LIMCH1: variants seen among roughly 807,000 people sequenced by gnomAD.
LIMCH1 encodes LIM and calponin homology domains 1, also known as LIM and calponin homology domains-containing protein 1.
In LIMCH1, 113 loss-of-function variants were observed where a neutral mutation model predicts 176.5. The ratio of observed to expected loss-of-function variants is 0.64; its 90% CI spans 0.55 to 0.75. The LOEUF is 0.75. Ranked by LOEUF, LIMCH1 falls within the 30% of genes least tolerant of loss-of-function variation. The pLI, the probability that LIMCH1 is intolerant of heterozygous loss-of-function variation, is 0.00. For synonymous variants in LIMCH1, 619 were observed against 645.9 expected, an observed-to-expected ratio of 0.96 and a Z score of 0.63; for missense variants, 1,674 against 1,814.9, an observed-to-expected ratio of 0.92 and a Z score of 1.41.
intron 18 of LIMCH1, among the ~76,000 whole-genome samples, chr4:41,658,663 A>G (rs2094528428): frequency 6.6e-6 from 1 of 152,212 alleles, no homozygotes; most frequent in African/African-American, 2.4e-5. Context: ...CTTATAATCA[A>G]AAGTGCATCA....
intron 1 of LIMCH1, among the ~76,000 whole-genome samples, chr4:41,466,606 T>A (rs2066150876): frequency 6.6e-6 from 1 of 152,196 alleles, no homozygotes; most frequent in African/African-American, 2.4e-5. Context: ...CTTCACTTTA[T>A]CTCAAAAGTC....
At chr4:41,456,021 CTTTT>C (rs538896425) in intron 1 of LIMCH1, among the ~76,000 whole-genome samples, 2 of 151,816 alleles carry the variant, frequency 1.3e-5, no homozygotes, top group African/African-American at 4.8e-5. Flanking sequence ...GTGAGACACA[CTTTT>C]TTTTGTTTGT....
intron 8 of LIMCH1, 92 bp downstream of exon 8, chr4:41,627,102 T>G: frequency 7.0e-7 from 1 of 1,434,608 alleles, no homozygotes; most frequent in Non-Finnish European, 9.2e-7. Context: ...GAAGTCAGTT[T>G]GTATTGTACC....
chr4:41,403,740 A>G (rs1006344166), intron 1 of LIMCH1, among the ~76,000 whole-genome samples: 1 of 152,204 alleles, frequency 6.6e-6, no homozygotes, highest in African/African-American at 2.4e-5. Flanking sequence ...CTTAATTCCC[A>G]TAGCAAGCCT....
chr4:41,663,079 G>T (rs975529194), intron 20 of LIMCH1, 95 bp downstream of exon 20: 2 of 1,162,524 alleles, frequency 1.7e-6, no homozygotes, highest in East Asian at 2.5e-5. Context: ...GAATAATGAA[G>T]ATTTATTTCT....
intron 1 of LIMCH1, among the ~76,000 whole-genome samples, chr4:41,565,650 G>T (rs2082667789): frequency 6.6e-6 from 1 of 152,026 alleles, no homozygotes; most frequent in Non-Finnish European, 1.5e-5. Flanking sequence ...AGTATGCTTG[G>T]ACTGGTGAAC....
chr4:41,366,338 T>A (rs1264738979), intron 1 of LIMCH1, among the ~76,000 whole-genome samples: 1 of 152,212 alleles, frequency 6.6e-6, no homozygotes, highest in Non-Finnish European at 1.5e-5. Context: ...CAGTTAACAC[T>A]GGTTGATTTT....
At chr4:41,680,659 A>G (rs560951668) in intron 24 of LIMCH1, among the ~76,000 whole-genome samples, 2 of 152,322 alleles carry the variant, frequency 1.3e-5, no homozygotes, top group Non-Finnish European at 2.9e-5. Flanking sequence ...TATATTCAGC[A>G]ATACTTTTTG....
intron 29 of LIMCH1, among the ~76,000 whole-genome samples, chr4:41,688,694 A>T (rs11933248): frequency 6.6e-6 from 1 of 152,028 alleles, no homozygotes; most frequent in Non-Finnish European, 1.5e-5. Context: ...GAGGACAGCT[A>T]TCTAGTTTCA....
intron 1 of LIMCH1, chr4:41,453,531 A>G (rs1209839572): frequency 6.6e-6 from 1 of 152,348 alleles, no homozygotes; most frequent in Non-Finnish European, 1.5e-5. Flanking sequence ...GTGGATCATC[A>G]TAAAGTCTTT....
rs1415814149 is a variant in LIMCH1, at chr4:41,631,214, T to A, written c.1338T>A (p.Ile446=). 6.5e-7 allele frequency: 1 copy of A among 1,536,082 alleles called. No homozygotes were observed. Among genetic ancestry groups the A allele is most frequent in the South Asian group, 1.2e-5 (1 of 84,048 alleles). The stretch of plus-strand genomic sequence containing the variant: ...CAGAAATTAAAGCAGAAACTGCCAT[T>A]CGTGATGACTTTGCCAACCGCAAAG... ...PSPEIKAETA[I]RDDFANRKAR... Residue 446 remains isoleucine, a synonymous_variant, in exon 10 of 32, where the codon ATT becomes ATA. Transcript: ENST00000503057.
intron 1 of LIMCH1, among the ~76,000 whole-genome samples, chr4:41,462,014 G>A (rs1419757877): frequency 6.6e-6 from 1 of 152,158 alleles, no homozygotes; most frequent in Admixed American, 6.5e-5. Context: ...ATTTTGGCCA[G>A]TGTTGCCAAA....
chr4:41,389,031 T>C (rs1206886850), intron 1 of LIMCH1: 2 of 152,374 alleles, frequency 1.3e-5, no homozygotes, highest in East Asian at 3.9e-4. Context: ...AGTACTTTTG[T>C]GTTTTTTGGC....
intron 13 of LIMCH1, among the ~76,000 whole-genome samples, chr4:41,634,493 C>T (rs1285862806): frequency 6.6e-6 from 1 of 152,186 alleles, no homozygotes; most frequent in Non-Finnish European, 1.5e-5. Flanking sequence ...ACCCTGATGG[C>T]AGTGGGAGAG....
In LIMCH1 at chr4:41,642,734, T is replaced by G. The variant is rs1353344644; in HGVS notation, c.2127-1766T>G. ...CTAGCATGCCTAATTTTTTTTCTTT[T>G]TTCTTTTTTTTTTTTTGTATTTTTA... On this transcript the variant is annotated intron_variant, in intron 14 of 31. Transcript: ENST00000503057. 1.2e-4 allele frequency among the ~76,000 whole-genome samples: 13 copies of G among 105,442 alleles called. No individual in the cohort carries two copies. The East Asian group carries it at 2.7e-3, about 22-fold the overall frequency. The allele number at this position is 105,442 out of a possible 152,430, so 69.2% of individuals were successfully genotyped here.
intron 1 of LIMCH1, among the ~76,000 whole-genome samples, chr4:41,487,449 G>T (rs749284503): frequency 4.7e-4 from 71 of 152,104 alleles, no homozygotes; most frequent in Non-Finnish European, 8.4e-4. Context: ...GCAAACACAT[G>T]GTGCCTATTC....
Position 41,631,341 on chromosome 4 carries a change from A to G in LIMCH1, c.1465A>G (p.Lys489Glu). ...GAAATGGAAGCGGCTTAGCATTGGC[A>G]AGGCTGGGCCTAGAGAGGATGAAGA... ...QQKWKRLSIG[K>E]AGPREDEEEV... The change falls in exon 10 of 32, where the codon AAG becomes GAG. Residue 489 changes from lysine (K) to glutamate (E), a missense_variant. By Grantham distance (56) the Lys-to-Glu change is moderately conservative (BLOSUM62 1). Around this residue, in one of 3 missense-constraint regions of LIMCH1, gnomAD observed 655 missense variants for 692.2 expected, o/e 0.95. Coordinates refer to ENST00000503057, the MANE Select transcript of LIMCH1 (RefSeq NM_001330672.2). 2 of 1,536,236 alleles carry G rather than the reference A, an allele frequency of 1.3e-6. No homozygotes were observed. The highest frequency in any genetic ancestry group is 1.7e-6 in the Non-Finnish European group (2 of 1,146,934).
chr4:41,544,806 T>C (rs1260421433), intron 1 of LIMCH1, among the ~76,000 whole-genome samples: 1 of 152,194 alleles, frequency 6.6e-6, no homozygotes, highest in African/African-American at 2.4e-5. Flanking sequence ...GAAAGCCTCA[T>C]TTATCTGTGC....
chr4:41,585,866 T>C (rs1040869456), intron 1 of LIMCH1, among the ~76,000 whole-genome samples: 4 of 152,330 alleles, frequency 2.6e-5, no homozygotes, highest in Non-Finnish European at 4.4e-5. Context: ...ATATGACTCA[T>C]GTAGGTTGGA....
Sources: allele counts gnomAD v4.1 joint callset (sites outside exome capture counted in the v4.1 genomes callset), GRCh38; gene constraint gnomAD v4.1.1; regional missense constraint gnomAD v4.1.1; transcripts MANE v1.5; gene names NCBI Gene and HGNC (gene_info 2026-07-23, HGNC 2026-07-21).